HMG20A: variants seen among roughly 807,000 people sequenced by gnomAD.
HMG20A encodes high mobility group 20A.
Under a neutral mutation model 43.9 loss-of-function variants are expected in HMG20A, and 17 were observed. That is an observed-to-expected ratio of 0.39 (90% CI 0.27 to 0.58). HMG20A has a LOEUF of 0.58. Ranked by LOEUF, HMG20A falls within the 20% of genes least tolerant of loss-of-function variation. The pLI, the probability that HMG20A is intolerant of heterozygous loss-of-function variation, is 0.59. For synonymous variants in HMG20A, 132 were observed against 147.5 expected (o/e 0.89, Z 0.76); for missense variants, 341 against 438.2 (o/e 0.78, Z 1.98).
intron 1 of HMG20A, among the ~76,000 whole-genome samples, chr15:77,440,704 AT>A (rs1480904766): frequency 6.6e-6 from 1 of 152,102 alleles, no homozygotes; most frequent in East Asian, 1.9e-4. Context: ...ATAGACTCAG[AT>A]TTTCTGCCCA....
At chr15:77,430,770 A>G (rs909962879) in intron 1 of HMG20A, among the ~76,000 whole-genome samples, 4 of 152,240 alleles carry the variant, frequency 2.6e-5, no homozygotes, top group African/African-American at 4.8e-5. Context: ...CTAGAACTGT[A>G]AGAAAGTTAA....
the HMG20A span, among the ~76,000 whole-genome samples, chr15:77,513,566 G>A: frequency 1.6e-4 from 25 of 152,240 alleles, no homozygotes; most frequent in African/African-American, 5.3e-4. Flanking sequence ...TCAAGGTGCC[G>A]ACCGGGTTGG....
At chr15:77,470,857 T>G in intron 4 of HMG20A, 53 bp from the exon 5 acceptor site, 1 of 1,438,948 alleles carries the variant, frequency 6.9e-7, no homozygotes, top group Non-Finnish European at 9.2e-7. Context: ...TAATTTAATT[T>G]TATTTAAATA....
At chr15:77,503,769 C>T in the HMG20A span, among the ~76,000 whole-genome samples, 1 of 152,328 alleles carries the variant, frequency 6.6e-6, no homozygotes, top group South Asian at 2.1e-4. Context: ...CAGAGGATCT[C>T]GTTAAAACAG....
At chr15:77,478,670 G>T (rs1445705533) in intron 8 of HMG20A, among the ~76,000 whole-genome samples, 160 bp downstream of exon 8, 1 of 152,186 alleles carries the variant, frequency 6.6e-6, no homozygotes, top group African/African-American at 2.4e-5. Context: ...TAGAATGTCA[G>T]TATTGGCTAA....
intron 3 of HMG20A, 43 bp downstream of exon 3, chr15:77,464,430 C>T (rs1219960116): frequency 6.3e-7 from 1 of 1,599,532 alleles, no homozygotes; most frequent in Non-Finnish European, 8.6e-7. Context: ...TCTGAAACTT[C>T]TGAAGAAGCA....
chr15:77,447,981 C>T (rs1229920393), intron 1 of HMG20A, among the ~76,000 whole-genome samples: 2 of 152,214 alleles, frequency 1.3e-5, no homozygotes, highest in Non-Finnish European at 2.9e-5. Context: ...GATTACAAGA[C>T]TACAGTTAAA....
chr15:77,437,383 C>G (rs184595577), intron 1 of HMG20A, among the ~76,000 whole-genome samples: 53 of 152,162 alleles, frequency 3.5e-4, no homozygotes, highest in Admixed American at 6.5e-4. Flanking sequence ...AACTATAGGT[C>G]GGGAAGTACT....
intron 1 of HMG20A, among the ~76,000 whole-genome samples, chr15:77,445,222 T>C (rs1435080406): frequency 6.6e-6 from 1 of 152,242 alleles, no homozygotes; most frequent in Non-Finnish European, 1.5e-5. Flanking sequence ...ACATTCTTTC[T>C]ACCTCCTCTC....
chr15:77,494,136 TTTG>T, the HMG20A span, among the ~76,000 whole-genome samples: 7 of 116,612 alleles, frequency 6.0e-5, no homozygotes, highest in Non-Finnish European at 1.2e-4. Flanking sequence ...GTTAACTTTT[TTTG>T]TTGTTGTTGA....
chr15:77,451,501 A>G (rs1225989560), intron 1 of HMG20A, among the ~76,000 whole-genome samples: 1 of 152,166 alleles, frequency 6.6e-6, no homozygotes, highest in Non-Finnish European at 1.5e-5. Context: ...ATTTGCAGTT[A>G]TAGTTGGCCC....
intron 1 of HMG20A, among the ~76,000 whole-genome samples, chr15:77,447,497 T>A (rs1477229928): frequency 6.6e-6 from 1 of 152,152 alleles, no homozygotes; most frequent in Non-Finnish European, 1.5e-5. Flanking sequence ...TATACAGTGA[T>A]CCAATTGTCT....
At chr15:77,436,917 C>T (rs535799841) in intron 1 of HMG20A, among the ~76,000 whole-genome samples, 11 of 152,252 alleles carry the variant, frequency 7.2e-5, no homozygotes, top group African/African-American at 2.4e-4. Context: ...TGACATGGCC[C>T]CAGATCTGTT....
At chr15:77,429,880 T>C (rs1447298871) in intron 1 of HMG20A, among the ~76,000 whole-genome samples, 2 of 152,176 alleles carry the variant, frequency 1.3e-5, no homozygotes, top group Non-Finnish European at 2.9e-5. Flanking sequence ...CTAATGTGAT[T>C]GGTGTCTATT....
At chr15:77,446,775 C>G (rs35015654) in intron 1 of HMG20A, among the ~76,000 whole-genome samples, 1 of 151,042 alleles carries the variant, frequency 6.6e-6, no homozygotes, top group African/African-American at 2.5e-5. Flanking sequence ...CCACTGCACT[C>G]CAGCCTGGGT....
At chr15:77,507,994 A>T in the HMG20A span, among the ~76,000 whole-genome samples, 21 of 152,186 alleles carry the variant, frequency 1.4e-4, no homozygotes, top group Admixed American at 1.2e-3. Context: ...TCCCTTGAAA[A>T]AAAGCCTCCC....
chr15:77,518,304 A>G, the HMG20A span, among the ~76,000 whole-genome samples: 1 of 152,296 alleles, frequency 6.6e-6, no homozygotes, highest in Non-Finnish European at 1.5e-5. Context: ...TGATTCTACC[A>G]CGCCTGCACC....
intron 2 of HMG20A, among the ~76,000 whole-genome samples, chr15:77,459,076 T>C (rs1483913484): frequency 6.6e-6 from 1 of 152,248 alleles, no homozygotes; most frequent in East Asian, 1.9e-4. Flanking sequence ...TTAGAAGTTA[T>C]TTGGCAAAGA....
the HMG20A span, among the ~76,000 whole-genome samples, chr15:77,499,552 C>G: frequency 6.6e-6 from 1 of 152,122 alleles, no homozygotes; most frequent in Non-Finnish European, 1.5e-5. Context: ...CACACAGAGC[C>G]CTGGAATCCC....
Sources: gnomAD v4.1 joint callset for allele counts (sites outside exome capture counted in the v4.1 genomes callset) on GRCh38, gnomAD v4.1.1 for gene constraint, MANE v1.5 for transcripts, NCBI Gene and HGNC (gene_info 2026-07-23, HGNC 2026-07-21) for gene names.